Variants in NME9 observed in about 807,000 individuals in gnomAD.
The protein encoded by NME9 is thioredoxin domain-containing protein 6.
Under a neutral mutation model 44.4 loss-of-function variants are expected in NME9, and 48 were observed. That is an observed-to-expected ratio of 1.08 (90% CI 0.86 to 1.37). The LOEUF (loss-of-function observed/expected upper bound fraction) is 1.37, where lower values mean the gene tolerates loss of function less well. NME9 is among the 40% of genes most tolerant of loss of function. NME9 has a pLI of 0.00. For synonymous variants in NME9, 139 were observed against 147.1 expected (o/e 0.94, Z 0.40); for missense variants, 325 against 405.2 (o/e 0.80, Z 1.70).
intron 2 of NME9, chr3:138,324,565 T>C: frequency 2.0e-6 from 1 of 493,780 alleles, no homozygotes; most frequent in South Asian, 1.5e-5. Context: ...GAGATCCCTG[T>C]ATTCCTTCCA....
intron 8 of NME9, among the ~76,000 whole-genome samples, chr3:138,266,068 T>C (rs2048259043): frequency 6.6e-6 from 1 of 152,222 alleles, no homozygotes; most frequent in South Asian, 2.1e-4. Flanking sequence ...CAGAACAGTA[T>C]GTTTCTTTAA....
At chr3:138,324,354 C>T in intron 2 of NME9, 1 of 421,276 alleles carries the variant, frequency 2.4e-6, no homozygotes, top group South Asian at 1.7e-5. Context: ...GGACTCCTGA[C>T]CCACAGAAAC....
chr3:138,312,096 A>G (rs2052740343), intron 6 of NME9, among the ~76,000 whole-genome samples: 1 of 152,170 alleles, frequency 6.6e-6, no homozygotes, highest in Non-Finnish European at 1.5e-5. Flanking sequence ...TGATACACTG[A>G]TGAAAGAAAT....
chr3:138,267,733 T>C (rs1322460856), intron 8 of NME9, among the ~76,000 whole-genome samples: 1 of 152,178 alleles, frequency 6.6e-6, no homozygotes, highest in African/African-American at 2.4e-5. Context: ...TATTTGAGTA[T>C]GTATTCTTTT....
chr3:138,317,030 A>G (rs1370077568), intron 4 of NME9, among the ~76,000 whole-genome samples: 2 of 152,142 alleles, frequency 1.3e-5, no homozygotes, highest in Non-Finnish European at 2.9e-5. Context: ...ATAGGGTTGA[A>G]GATTGTGGCC....
At chr3:138,309,238 G>T (rs1439024496) in intron 6 of NME9, among the ~76,000 whole-genome samples, 3 of 151,364 alleles carry the variant, frequency 2.0e-5, no homozygotes, top group Non-Finnish European at 4.4e-5. Context: ...GGCAGAGGTT[G>T]CAGTGAGCCA....
chr3:138,290,675 G>T (rs1439274863), intron 8 of NME9: 1 of 1,426,296 alleles, frequency 7.0e-7, no homozygotes, highest in Admixed American at 2.0e-5. Context: ...GCTTTGGGCT[G>T]TGTTGGATTC....
intron 8 of NME9, among the ~76,000 whole-genome samples, chr3:138,265,896 A>G (rs1456352630): frequency 1.3e-5 from 2 of 152,216 alleles, no homozygotes; most frequent in Non-Finnish European, 2.9e-5. Flanking sequence ...ATAAAGCAGT[A>G]GGAGTGGCTT....
chr3:138,315,492 T>C (rs1301633468), intron 5 of NME9, 35 bp downstream of exon 5: 6 of 1,425,102 alleles, frequency 4.2e-6, no homozygotes, highest in Admixed American at 3.9e-5. Context: ...AGCGCACTTG[T>C]GAGTTAGCTG....
intron 8 of NME9, chr3:138,267,292 A>G (rs1252838390): frequency 1.8e-6 from 2 of 1,125,574 alleles, no homozygotes; most frequent in Non-Finnish European, 2.5e-6. Flanking sequence ...GCTAGAGCTT[A>G]CTCAAATACT....
At chr3:138,328,360 C>A (rs1025933754) in intron 1 of NME9, among the ~76,000 whole-genome samples, 1 of 150,246 alleles carries the variant, frequency 6.7e-6, no homozygotes, top group East Asian at 2.0e-4. Flanking sequence ...ACCCCTCCCA[C>A]CCCCAGCATG....
chr3:138,329,656 G>A lies in NME9; in HGVS notation c.-321C>T, dbSNP rs965133815. 7.2e-6 allele frequency: 9 copies of A among 1,254,206 alleles called. No homozygotes were observed. Among genetic ancestry groups the A allele is most frequent in the Non-Finnish European group, 9.0e-6 (9 of 997,494 alleles). The allele number at this position is 1,254,206 out of a possible 1,614,324, so 77.7% of individuals were successfully genotyped here. A position where few individuals can be genotyped will look rare whatever the true frequency, so the allele number is the denominator to read the frequency against. On this transcript the variant is annotated 5_prime_UTR_variant, in exon 1 of 11. Transcript: ENST00000333911. Reference sequence around the variant, plus strand: ...GCGCAGAGGCCGGAGTCAGTGCGCCGGGCGCGGTGCAGCCTGTCGGGCACA... The same window carrying A: ...GCGCAGAGGCCGGAGTCAGTGCGCCAGGCGCGGTGCAGCCTGTCGGGCACA...
chr3:138,283,046 G>T (rs955890034), intron 8 of NME9, among the ~76,000 whole-genome samples: 6 of 152,156 alleles, frequency 3.9e-5, no homozygotes, highest in African/African-American at 1.2e-4. Flanking sequence ...TCCTCAACAT[G>T]ATCTAACTGC....
intron 8 of NME9, chr3:138,273,210 A>T: frequency 7.8e-7 from 1 of 1,276,406 alleles, no homozygotes. Context: ...ACATCTGCCC[A>T]TGAGTGTGAT....
At chr3:138,314,691 T>C (rs149627220) in intron 5 of NME9, among the ~76,000 whole-genome samples, 1 of 152,210 alleles carries the variant, frequency 6.6e-6, no homozygotes, top group East Asian at 1.9e-4. Context: ...AGAATTGAAA[T>C]GTAAGTAAAT....
intron 1 of NME9, among the ~76,000 whole-genome samples, 174 bp from the exon 2 acceptor site, chr3:138,325,104 G>GA (rs1469587581): frequency 6.6e-6 from 1 of 151,574 alleles, no homozygotes; most frequent in Non-Finnish European, 1.5e-5. Flanking sequence ...TCCCTACCCA[G>GA]AAAAAAACAC....
downstream of NME9, chr3:138,296,526 T>C (rs1030202449): frequency 6.6e-6 from 1 of 152,094 alleles, no homozygotes; most frequent in South Asian, 2.1e-4. Context: ...TCAACTTACA[T>C]AGATTTTCTT....
At chr3:138,326,364 T>C (rs2053785643) in intron 1 of NME9, among the ~76,000 whole-genome samples, 1 of 152,210 alleles carries the variant, frequency 6.6e-6, no homozygotes, top group African/African-American at 2.4e-5. Flanking sequence ...TCCTTTGTAA[T>C]TAACATATTT....
chr3:138,302,275 A>T (rs552114053), intron 10 of NME9, among the ~76,000 whole-genome samples: 7 of 152,176 alleles, frequency 4.6e-5, no homozygotes, highest in Non-Finnish European at 1.0e-4. Context: ...TATTCCCAGG[A>T]TGTGGTCTGC....
Sources: gnomAD v4.1 joint callset for allele counts (sites outside exome capture counted in the v4.1 genomes callset) on GRCh38, gnomAD v4.1.1 for gene constraint, MANE v1.5 for transcripts, NCBI Gene and HGNC (gene_info 2026-07-23, HGNC 2026-07-21) for gene names.